EIF1B: variants seen among roughly 807,000 people sequenced by gnomAD.
EIF1B encodes the protein eukaryotic translation initiation factor 1B.
Under a neutral mutation model 14.8 loss-of-function variants are expected in EIF1B, and 5 were observed. The ratio of observed to expected loss-of-function variants is 0.34; its 90% CI spans 0.18 to 0.71. EIF1B has a LOEUF of 0.71. Among genes scored for constraint, EIF1B ranks in the 30% least tolerant of loss-of-function variants. The pLI is 0.64. For synonymous variants in EIF1B, 45 were observed against 45.8 expected (o/e 0.98, Z 0.07); for missense variants, 56 against 134.0 (o/e 0.42, Z 2.87).
rs1351550164 is a variant in EIF1B, at chr3:40,312,215, C to A, written c.*201C>A. On this transcript the variant is annotated 3_prime_UTR_variant, in exon 4 of 4. Coordinates refer to ENST00000232905, the MANE Select transcript of EIF1B (RefSeq NM_005875.3). Reference sequence around the variant, plus strand: ...TAAGAAAATTGCAGTAAGATGGTAACAAAACCTCATATTGTCTTTACATGT... The same window carrying A: ...TAAGAAAATTGCAGTAAGATGGTAAAAAAACCTCATATTGTCTTTACATGT... 3.7e-6 allele frequency: 2 copies of A among 542,194 alleles called. No homozygotes were observed. The highest frequency in any genetic ancestry group is 7.2e-5 in the Admixed American group (2 of 27,740). 33.6% of individuals were successfully genotyped at this position (542,194 alleles called of 1,614,324 possible). A position where few individuals can be genotyped will look rare whatever the true frequency, so the allele number is the denominator to read the frequency against.
At chr3:40,310,001 C>T (rs779700738) in intron 1 of EIF1B, 29 bp downstream of exon 1, 33 of 1,612,932 alleles carry the variant, frequency 2.0e-5, no homozygotes, top group Non-Finnish European at 2.8e-5. Context: ...CGCCTCCCTC[C>T]CTTGCCCGGC....
rs559484335 is a variant in EIF1B, at chr3:40,311,721, G to T, written c.297+150G>T. ...ACATGGTAGTTATTTGGAAAGCAAA[G>T]ACCTTTATCTGGTTTATTTTGTCAT... On this transcript the variant is annotated intron_variant, in intron 3 of 3. Transcript: ENST00000232905. The T allele has an allele frequency of 2.4e-5, 17 of 704,610 alleles. No individual in the cohort carries two copies. In the South Asian group the frequency reaches 3.2e-4, roughly 13 times the overall value. The allele number at this position is 704,610 out of a possible 1,614,324, so 43.6% of individuals were successfully genotyped here.
At chr3:40,311,442 T>A in intron 2 of EIF1B, 28 bp from the exon 3 acceptor site, 1 of 1,535,904 alleles carries the variant, frequency 6.5e-7, no homozygotes, top group Non-Finnish European at 9.0e-7. Context: ...TTGACTAAAT[T>A]TTGTTGTATA....
At position 40,309,941 on chromosome 3, in the gene EIF1B, C is replaced by T. The variant is rs2125569287; in HGVS notation, c.-1C>T. On this transcript the variant is annotated 5_prime_UTR_variant, in exon 1 of 4. Coordinates refer to ENST00000232905, the MANE Select transcript of EIF1B (RefSeq NM_005875.3). ...CCTCACCGGCCTCACACTAGTATCG[C>T]ATGTCCACTATCCAGAACCTCCAAT... 1.9e-6 allele frequency: 3 copies of T among 1,614,044 alleles called. No homozygotes were observed. The highest frequency in any genetic ancestry group is 2.5e-6 in the Non-Finnish European group (3 of 1,179,974).
Position 40,312,039 on chromosome 3 carries a change from T to G in EIF1B, c.*25T>G. On this transcript the variant is annotated 3_prime_UTR_variant, in exon 4 of 4. Coordinates refer to ENST00000232905, the MANE Select transcript of EIF1B (RefSeq NM_005875.3). ...AAATGAACCTAAATACGTGGAGAAT[T>G]TCTTGAATAGTTTTGTTCTCTAAAC... 6.3e-7 allele frequency: 1 copy of G among 1,589,280 alleles called. No homozygotes were observed.
chr3:40,310,020 C>T (rs1311825392), intron 1 of EIF1B, 48 bp downstream of exon 1: 3 of 1,610,566 alleles, frequency 1.9e-6, no homozygotes, highest in East Asian at 4.5e-5. Flanking sequence ...GCGCGCATCT[C>T]GGCCTTTTGC....
chr3:40,310,655 A>C (rs1171361723), intron 1 of EIF1B: 2 of 363,894 alleles, frequency 5.5e-6, no homozygotes, highest in African/African-American at 4.2e-5. Flanking sequence ...TTATTTATCT[A>C]TAACAGCGTT....
intron 1 of EIF1B, 149 bp from the exon 2 acceptor site, chr3:40,310,744 C>T: frequency 1.4e-6 from 1 of 706,554 alleles, no homozygotes; most frequent in Non-Finnish European, 2.3e-6. Context: ...ACTCCACCCC[C>T]ATCTCCATTC....
intron 1 of EIF1B, among the ~76,000 whole-genome samples, chr3:40,310,182 G>A (rs1021221383): frequency 1.3e-5 from 2 of 152,166 alleles, no homozygotes; most frequent in Non-Finnish European, 2.9e-5. Context: ...TCGGAGCCCC[G>A]GCCGCGGGCC....
chr3:40,311,768 T>TA (rs1954329329), intron 3 of EIF1B, 197 bp downstream of exon 3: 2 of 665,838 alleles, frequency 3.0e-6, no homozygotes, highest in Non-Finnish European at 5.2e-6. Flanking sequence ...GATCATTTCT[T>TA]TATATACACA....
In EIF1B at chr3:40,311,036, C is replaced by G. The variant is rs1194081912; in HGVS notation, c.175C>G (p.Leu59Val). The change falls in exon 2 of 4, where the codon CTT becomes GTT. Residue 59 changes from leucine (L) to valine (V), a missense_variant. Physicochemically the swap from Leu to Val is conservative, Grantham distance 32. This residue lies in a region of EIF1B where 35 missense variants were observed against 82.9 expected (regional missense o/e 0.42). Transcript: ENST00000232905. ...TGCAGATGATTATGACAAAAAGAAACTTGTGAAAGCTTTCAAAAAGGTAAA... is the reference window on the plus strand; with the variant it reads ...TGCAGATGATTATGACAAAAAGAAAGTTGTGAAAGCTTTCAAAAAGGTAAA... Reference protein sequence around the residue: ...GIADDYDKKKLVKAFKKKFAC... With the variant: ...GIADDYDKKKVVKAFKKKFAC... The G allele has an allele frequency of 1.2e-6, 2 of 1,613,688 alleles. No homozygotes were observed. Among genetic ancestry groups the G allele is most frequent in the Non-Finnish European group, 1.7e-6 (2 of 1,179,914 alleles).
At position 40,309,810 on chromosome 3, in the gene EIF1B, C is replaced by G. The variant is rs920819414; in HGVS notation, c.-132C>G. ...CCGGCTTCCGCCGCCGCCACTCCAG[C>G]CTAATCCCAACCCCAGGGCGAAGCG... On this transcript the variant is annotated 5_prime_UTR_variant, in exon 1 of 4. Coordinates refer to ENST00000232905, the MANE Select transcript of EIF1B (RefSeq NM_005875.3). The G allele has an allele frequency of 6.9e-6, 8 of 1,152,188 alleles. No individual in the cohort carries two copies. The African/African-American group carries it at 1.2e-4, about 18-fold the overall frequency. 71.4% of individuals were successfully genotyped at this position (1,152,188 alleles called of 1,614,324 possible).
rs888467414 is a variant in EIF1B at position 40,312,221 on chromosome 3, C to T, written c.*207C>T. ...AATTGCAGTAAGATGGTAACAAAAC[C>T]TCATATTGTCTTTACATGTTTCCAA... On this transcript the variant is annotated 3_prime_UTR_variant, in exon 4 of 4. Transcript: ENST00000232905. 2 of 526,576 alleles carry T rather than the reference C, an allele frequency of 3.8e-6. No individual in the cohort carries two copies. Among genetic ancestry groups the T allele is most frequent in the Admixed American group, 7.4e-5 (2 of 27,066 alleles). 32.6% of individuals were successfully genotyped at this position (526,576 alleles called of 1,614,324 possible).
Position 40,309,847 on chromosome 3 carries a change from A to G in EIF1B, c.-95A>G. The G allele has an allele frequency of 6.9e-7, 1 of 1,444,080 alleles. No individual in the cohort carries two copies. Among genetic ancestry groups the G allele is most frequent in the Non-Finnish European group, 9.7e-7 (1 of 1,032,776 alleles). The allele number at this position is 1,444,080 out of a possible 1,614,324, so 89.5% of individuals were successfully genotyped here. A position where few individuals can be genotyped will look rare whatever the true frequency, so the allele number is the denominator to read the frequency against. Reference sequence around the variant, plus strand: ...CCCAGGGCGAAGCGTTTTCTTATTTATTTCCGTTTTCTCGCCACTACAGCC... The same window carrying G: ...CCCAGGGCGAAGCGTTTTCTTATTTGTTTCCGTTTTCTCGCCACTACAGCC... On this transcript the variant is annotated 5_prime_UTR_variant, in exon 1 of 4. Transcript: ENST00000232905.
intron 1 of EIF1B, 136 bp from the exon 2 acceptor site, chr3:40,310,757 A>G (rs1056361338): frequency 2.2e-6 from 2 of 906,856 alleles, no homozygotes; most frequent in African/African-American, 3.4e-5. Context: ...CTCCATTCCT[A>G]CCGGCAAAAA....
Position 40,312,332 on chromosome 3 carries a change from T to C in EIF1B, c.*318T>C, listed in dbSNP as rs1954335256. ...TGTTGTTGTATTAAACCATGTACGT[T>C]GCAGCTTAACAATAAAAAAAAATCT... On this transcript the variant is annotated 3_prime_UTR_variant, in exon 4 of 4. Transcript: ENST00000232905. 1 of 203,178 alleles carries C rather than the reference T, an allele frequency of 4.9e-6. No homozygotes were observed. The highest frequency in any genetic ancestry group is 2.6e-5 in the African/African-American group (1 of 38,570). The allele number at this position is 203,178 out of a possible 1,614,324, so 12.6% of individuals were successfully genotyped here. A position where few individuals can be genotyped will look rare whatever the true frequency, so the allele number is the denominator to read the frequency against.
rs541124892 is a variant in EIF1B at position 40,310,006 on chromosome 3, C to T, written c.31+34C>T. ...CCGTCGCCGCCGCCTCCCTCCCTTG[C>T]CCGGCGCGCATCTCGGCCTTTTGCC... On this transcript the variant is annotated intron_variant, in intron 1 of 3. Coordinates refer to ENST00000232905, the MANE Select transcript of EIF1B (RefSeq NM_005875.3). 61 of 1,612,698 alleles carry T rather than the reference C, an allele frequency of 3.8e-5. No individual in the cohort carries two copies. In the South Asian group the frequency reaches 5.3e-4, roughly 14 times the overall value.
chr3:40,310,351 A>T (rs893699164), intron 1 of EIF1B, among the ~76,000 whole-genome samples: 11 of 152,232 alleles, frequency 7.2e-5, no homozygotes, highest in African/African-American at 2.7e-4. Flanking sequence ...GTTCTCTGGC[A>T]GCTCCTGGGG....
At chr3:40,311,610 C>T in intron 3 of EIF1B, 39 bp downstream of exon 3, 1 of 1,487,176 alleles carries the variant, frequency 6.7e-7, no homozygotes, top group Non-Finnish European at 9.3e-7. Flanking sequence ...CTTGAGATTG[C>T]TTTTAAAATT....
Sources: allele counts gnomAD v4.1 joint callset (sites outside exome capture counted in the v4.1 genomes callset), GRCh38; gene constraint gnomAD v4.1.1; regional missense constraint gnomAD v4.1.1; transcripts MANE v1.5; gene names NCBI Gene and HGNC (gene_info 2026-07-23, HGNC 2026-07-21).